Variants in UGT1A5 observed in about 807,000 individuals in gnomAD.
The protein encoded by UGT1A5 is UDP-glucuronosyltransferase 1A5.
UGT1A5 carries 29 observed loss-of-function variants against 40.3 expected under a neutral mutation model. The observed-to-expected ratio is 0.72, with a 90% CI of 0.54 to 0.98. The LOEUF (loss-of-function observed/expected upper bound fraction) is 0.98. Among genes scored for constraint, UGT1A5 ranks in the 50% least tolerant of loss-of-function variants. The pLI is 0.00. For missense variants in UGT1A5, 678 were observed against 677.9 expected, an observed-to-expected ratio of 1.00 and a Z score of 0.00; for synonymous variants, 257 against 262.5, an observed-to-expected ratio of 0.98 and a Z score of 0.20.
At chr2:233,737,526 G>C (rs574961545) in intron 1 of UGT1A5, among the ~76,000 whole-genome samples, 8 of 152,286 alleles carry the variant, frequency 5.3e-5, no homozygotes, top group African/African-American at 1.9e-4. Context: ...GTGAGGCGAC[G>C]CCCTGCCCTG....
chr2:233,752,000 T>A (rs1694866049), intron 1 of UGT1A5, among the ~76,000 whole-genome samples: 1 of 152,106 alleles, frequency 6.6e-6, no homozygotes, highest in African/African-American at 2.4e-5. Context: ...TTGAGAAAGT[T>A]GATGAGAAAG....
chr2:233,733,504 G>A lies in UGT1A5; in HGVS notation c.867+19646G>A, dbSNP rs556302512. ...TCCATCAATACCTAGTTTATTGCCA[G>A]TTTTAGGCATGAAGGGATGTTTAAT... On this transcript the variant is annotated intron_variant, in intron 1 of 4. Coordinates refer to ENST00000373414, the MANE Select transcript of UGT1A5 (RefSeq NM_019078.2). 2.0e-5 allele frequency among the ~76,000 whole-genome samples: 3 copies of A among 152,294 alleles called. No individual in the cohort carries two copies. In the South Asian group the frequency reaches 6.2e-4, roughly 32 times the overall value.
chr2:233,749,530 G>T (rs1211787123), intron 1 of UGT1A5, among the ~76,000 whole-genome samples: 2 of 151,832 alleles, frequency 1.3e-5, no homozygotes, highest in Non-Finnish European at 2.9e-5. Flanking sequence ...GCTAATTTTC[G>T]AGTGTGGTAA....
At chr2:233,724,335 G>C (rs2077226383) in intron 1 of UGT1A5, among the ~76,000 whole-genome samples, 1 of 147,976 alleles carries the variant, frequency 6.8e-6, no homozygotes, top group African/African-American at 2.5e-5. Flanking sequence ...CCAGGCGGGG[G>C]GCTGACCCCC....
intron 1 of UGT1A5, chr2:233,747,878 C>A: frequency 6.2e-7 from 1 of 1,613,056 alleles, no homozygotes; most frequent in South Asian, 1.1e-5. Context: ...CCCTGTCCTA[C>A]CTTTGCCATG....
In UGT1A5 at chr2:233,761,665, G is replaced by C. The variant is rs555006913; in HGVS notation, c.868-5369G>C. Among the ~76,000 whole-genome samples, 14 of 152,352 alleles carry C rather than the reference G, an allele frequency of 9.2e-5. No homozygotes were observed. The South Asian group carries it at 2.5e-3, about 27-fold the overall frequency. ...TTCTCTTCTAATGAGTGAATCACCA[G>C]ACAGTCAGGTTCTGACATGATACAG... On this transcript the variant is annotated intron_variant, in intron 1 of 4. Transcript: ENST00000373414.
At chr2:233,763,451 A>G (rs1353654111) in intron 1 of UGT1A5, among the ~76,000 whole-genome samples, 1 of 152,150 alleles carries the variant, frequency 6.6e-6, no homozygotes, top group African/African-American at 2.4e-5. Flanking sequence ...CATTTTGCCT[A>G]TTTGAATCTA....
intron 4 of UGT1A5, 126 bp from the exon 5 acceptor site, chr2:233,772,136 A>G (rs1700469037): frequency 6.5e-7 from 1 of 1,547,408 alleles, no homozygotes; most frequent in Non-Finnish European, 8.7e-7. Flanking sequence ...AACAACAATA[A>G]TAGAAACAGG....
At chr2:233,766,402 C>T (rs1334615620) in intron 1 of UGT1A5, among the ~76,000 whole-genome samples, 1 of 152,212 alleles carries the variant, frequency 6.6e-6, no homozygotes, top group African/African-American at 2.4e-5. Context: ...TTGCGTCCCT[C>T]CGCTGATGTG....
chr2:233,724,290 G>C (rs2077209364), intron 1 of UGT1A5, among the ~76,000 whole-genome samples: 1 of 136,792 alleles, frequency 7.3e-6, no homozygotes, highest in African/African-American at 2.8e-5. Flanking sequence ...GCGGGGGGCT[G>C]ACCCCCCCAC....
chr2:233,757,465 C>G (rs1305238385), intron 1 of UGT1A5, among the ~76,000 whole-genome samples: 7 of 149,236 alleles, frequency 4.7e-5, no homozygotes, highest in Non-Finnish European at 5.9e-5. Flanking sequence ...AGAGCGCTTA[C>G]TGTCTCCAAA....
chr2:233,743,837 G>T (rs371252305), intron 1 of UGT1A5: 2 of 1,367,128 alleles, frequency 1.5e-6, no homozygotes, highest in Non-Finnish European at 2.0e-6. Flanking sequence ...CCACTTGAGC[G>T]CCAGCTTGCG....
intron 1 of UGT1A5, chr2:233,760,764 C>A (rs199766420): frequency 8.1e-6 from 13 of 1,614,088 alleles, no homozygotes; most frequent in Non-Finnish European, 1.0e-5. Context: ...GCAGCCCCAT[C>A]GTGGCCCAGT....
At chr2:233,735,887 T>A (rs2078706567) in intron 1 of UGT1A5, among the ~76,000 whole-genome samples, 1 of 152,242 alleles carries the variant, frequency 6.6e-6, no homozygotes, top group Non-Finnish European at 1.5e-5. Flanking sequence ...CTGCTGTTAG[T>A]CTGATGGGCT....
At chr2:233,724,466 G>A (rs1369027656) in intron 1 of UGT1A5, among the ~76,000 whole-genome samples, 1 of 77,178 alleles carries the variant, frequency 1.3e-5, no homozygotes, top group African/African-American at 4.9e-5. Context: ...GGGCGGAGGG[G>A]CTCCTCACTT....
At chr2:233,738,611 A>C (rs1411128815) in intron 1 of UGT1A5, among the ~76,000 whole-genome samples, 2 of 152,250 alleles carry the variant, frequency 1.3e-5, no homozygotes, top group Admixed American at 6.5e-5. Flanking sequence ...TTAGCAAAGA[A>C]ACTCGTGGCA....
rs41264157 is a variant in UGT1A5 at position 233,755,111 on chromosome 2, G to C, written c.868-11923G>C. ...GTTTCTACGCGTCCGACAACACCTCGTAGGCCTCAGCCACCTGCTTGAATC... is the reference window on the plus strand; with the variant it reads ...GTTTCTACGCGTCCGACAACACCTCCTAGGCCTCAGCCACCTGCTTGAATC... On this transcript the variant is annotated intron_variant, in intron 1 of 4. Transcript: ENST00000373414. 5.5e-4 allele frequency: 736 copies of C among 1,331,768 alleles called. 3 individuals are homozygous for C. The African/African-American group carries it at 7.2e-3, about 13-fold the overall frequency. The allele number at this position is 1,331,768 out of a possible 1,614,324, so 82.5% of individuals were successfully genotyped here.
intron 1 of UGT1A5, among the ~76,000 whole-genome samples, chr2:233,757,801 A>G (rs2125960079): frequency 6.6e-6 from 1 of 151,714 alleles, no homozygotes; most frequent in Non-Finnish European, 1.5e-5. Flanking sequence ...ATGAAAGGAG[A>G]TGAAAGGAGC....
At chr2:233,760,645 T>A (rs751311281) in intron 1 of UGT1A5, 1 of 1,614,248 alleles carries the variant, frequency 6.2e-7, no homozygotes, top group South Asian at 1.1e-5. Flanking sequence ...AAAAAAGGAC[T>A]CTGCTATGCT....
Sources: allele counts gnomAD v4.1 joint callset (sites outside exome capture counted in the v4.1 genomes callset), GRCh38; gene constraint gnomAD v4.1.1; transcripts MANE v1.5; gene names NCBI Gene and HGNC (gene_info 2026-07-23, HGNC 2026-07-21).